Variants in LRMDA observed in about 807,000 individuals in gnomAD.
The protein encoded by LRMDA is leucine-rich melanocyte differentiation-associated protein.
In LRMDA, 18 loss-of-function variants were observed where a neutral mutation model predicts 29.8. The ratio of observed to expected loss-of-function variants is 0.60; its 90% CI spans 0.42 to 0.90. The LOEUF (loss-of-function observed/expected upper bound fraction) is 0.90, where lower values mean the gene tolerates loss of function less well. Ranked by LOEUF, LRMDA falls within the 40% of genes least tolerant of loss-of-function variation. The pLI is 0.00. For synonymous variants in LRMDA, 125 were observed against 109.4 expected (o/e 1.14, Z -0.89); for missense variants, 273 against 273.9 (o/e 1.00, Z 0.02).
chr10:75,609,462 C>T (rs535934773), intron 2 of LRMDA, among the ~76,000 whole-genome samples: 17 of 152,256 alleles, frequency 1.1e-4, no homozygotes, highest in African/African-American at 3.9e-4. Flanking sequence ...ATTGGCCTTC[C>T]TAGTGGTCAA....
At chr10:75,491,499 G>A (rs1012684909) in intron 2 of LRMDA, among the ~76,000 whole-genome samples, 1 of 152,066 alleles carries the variant, frequency 6.6e-6, no homozygotes, top group South Asian at 2.1e-4. Flanking sequence ...TACTTTCTCT[G>A]GGCTGGTTTA....
intron 5 of LRMDA, among the ~76,000 whole-genome samples, chr10:76,094,812 A>G (rs1391867582): frequency 3.9e-5 from 6 of 152,166 alleles, no homozygotes; most frequent in Admixed American, 3.9e-4. Context: ...TATTTTACAC[A>G]TATTTCACCA....
At chr10:75,504,493 C>A (rs1287698421) in intron 2 of LRMDA, among the ~76,000 whole-genome samples, 1 of 152,058 alleles carries the variant, frequency 6.6e-6, no homozygotes, top group Non-Finnish European at 1.5e-5. Context: ...AAAAATAAGT[C>A]ATATCAAAGG....
chr10:75,686,962 A>G (rs1842090366), intron 2 of LRMDA, among the ~76,000 whole-genome samples: 1 of 152,132 alleles, frequency 6.6e-6, no homozygotes, highest in Non-Finnish European at 1.5e-5. Flanking sequence ...TCCCATTATA[A>G]TTGTTTTGAC....
At chr10:76,212,270 A>AT (rs1564687628) in intron 5 of LRMDA, among the ~76,000 whole-genome samples, 216 of 123,270 alleles carry the variant, frequency 1.8e-3, no homozygotes, top group African/African-American at 6.5e-3. Context: ...CACACACATA[A>AT]AAAAAAAAAA....
At chr10:76,128,112 A>G (rs1458404804) in intron 5 of LRMDA, among the ~76,000 whole-genome samples, 2 of 152,256 alleles carry the variant, frequency 1.3e-5, no homozygotes, top group Admixed American at 6.5e-5. Flanking sequence ...TAATTCTCCA[A>G]TAACTTGCCT....
intron 2 of LRMDA, among the ~76,000 whole-genome samples, chr10:75,926,326 A>G (rs183674344): frequency 6.6e-6 from 1 of 152,212 alleles, no homozygotes; most frequent in Non-Finnish European, 1.5e-5. Flanking sequence ...AAACAGTGGC[A>G]GGAGGATCTT....
intron 2 of LRMDA, among the ~76,000 whole-genome samples, chr10:75,556,911 T>C (rs1483277932): frequency 6.6e-6 from 1 of 151,706 alleles, no homozygotes; most frequent in Non-Finnish European, 1.5e-5. Context: ...ATTCTAAAAT[T>C]CTAAAAAATA....
intron 5 of LRMDA, among the ~76,000 whole-genome samples, chr10:76,299,602 TC>T (rs147673232): frequency 0.27 from 28,247 of 106,438 alleles, 3,155 homozygotes; most frequent in African/African-American, 0.39. Flanking sequence ...CCCCTTCCTT[TC>T]TTTTTTTTTT....
chr10:76,438,825 A>G (rs1036599964), intron 6 of LRMDA: 2 of 152,206 alleles, frequency 1.3e-5, no homozygotes, highest in Admixed American at 1.3e-4. Context: ...ATCCAAATGT[A>G]TATGTTAATG....
At chr10:75,525,844 C>T (rs1010568403) in intron 2 of LRMDA, among the ~76,000 whole-genome samples, 3 of 151,372 alleles carry the variant, frequency 2.0e-5, no homozygotes. Context: ...ATATCCACAG[C>T]TACAACCTTT....
chr10:75,545,831 A>C (rs981631974), intron 2 of LRMDA, among the ~76,000 whole-genome samples: 6 of 152,228 alleles, frequency 3.9e-5, no homozygotes, highest in African/African-American at 1.2e-4. Flanking sequence ...AGGAGAGTCC[A>C]ACATGTCTGA....
chr10:76,557,241 G>T lies in LRMDA; in HGVS notation c.634G>T (p.Gly212Trp), dbSNP rs1203615713. Residue 212 changes from glycine to tryptophan, a missense_variant, in exon 7 of 7, where the codon GGG becomes TGG. Coordinates refer to ENST00000611255, the MANE Select transcript of LRMDA (RefSeq NM_001305581.2). ...VLGKCRYVYYGKNSEGNRFIR... is the reference protein window; with the variant it reads ...VLGKCRYVYYWKNSEGNRFIR... ...GGGGAAGTGTCGCTACGTTTACTATGGGAAAAACTCAGAGGGCAACAGGTT... is the reference window on the plus strand; with the variant it reads ...GGGGAAGTGTCGCTACGTTTACTATTGGAAAAACTCAGAGGGCAACAGGTT... 6.2e-7 allele frequency: 1 copy of T among 1,614,042 alleles called. No homozygotes were observed.
intron 6 of LRMDA, 113 bp downstream of exon 6, chr10:76,324,598 T>C (rs2132398428): frequency 5.6e-6 from 5 of 900,482 alleles, no homozygotes; most frequent in Non-Finnish European, 8.8e-6. Context: ...ACAGTGCTTT[T>C]TAAGTCCTTG....
chr10:76,211,756 A>T (rs892111264), intron 5 of LRMDA, among the ~76,000 whole-genome samples: 1 of 152,232 alleles, frequency 6.6e-6, no homozygotes, highest in African/African-American at 2.4e-5. Context: ...TGTTTGCTTC[A>T]AAGAGCAATT....
intron 6 of LRMDA, among the ~76,000 whole-genome samples, chr10:76,441,863 C>T (rs542826630): frequency 1.3e-5 from 2 of 152,274 alleles, no homozygotes; most frequent in East Asian, 3.9e-4. Context: ...CCTAGGCTAA[C>T]CTGCAAAAGC....
chr10:75,639,053 G>A (rs985169013), intron 2 of LRMDA, among the ~76,000 whole-genome samples: 4 of 152,152 alleles, frequency 2.6e-5, no homozygotes, highest in Non-Finnish European at 5.9e-5. Flanking sequence ...TTGAGATCTA[G>A]GCTGACTTTT....
intron 6 of LRMDA, among the ~76,000 whole-genome samples, chr10:76,428,570 C>CT (rs1226067162): frequency 6.6e-6 from 1 of 152,134 alleles, no homozygotes; most frequent in Non-Finnish European, 1.5e-5. Context: ...TTGGCCTAGA[C>CT]TTTTTTCTTG....
intron 5 of LRMDA, among the ~76,000 whole-genome samples, chr10:76,184,729 C>T (rs1402155778): frequency 2.6e-5 from 4 of 152,180 alleles, no homozygotes; most frequent in Non-Finnish European, 4.4e-5. Context: ...TTTCCAGATT[C>T]AAAGCTATTC....
Sources: allele counts gnomAD v4.1 joint callset (sites outside exome capture counted in the v4.1 genomes callset), GRCh38; gene constraint gnomAD v4.1.1; transcripts MANE v1.5; gene names NCBI Gene and HGNC (gene_info 2026-07-23, HGNC 2026-07-21).